The following OTOGL variants were observed in gnomAD, a reference collection of about 807,000 sequenced individuals.
The protein encoded by OTOGL is otogelin-like protein.
OTOGL carries 285 observed loss-of-function variants against 318.5 expected under a neutral mutation model. The ratio of observed to expected loss-of-function variants is 0.89; its 90% CI spans 0.81 to 0.99. OTOGL has a LOEUF of 0.99. Among genes scored for constraint, OTOGL ranks in the 50% least tolerant of loss-of-function variants. The pLI, the probability that OTOGL is intolerant of heterozygous loss-of-function variation, is 0.00. For synonymous variants in OTOGL, 987 were observed against 936.5 expected (o/e 1.05, Z -0.99); for missense variants, 2,899 against 2,845.6 (o/e 1.02, Z -0.43).
At chr12:80,164,610 T>C (rs1320655040) in intron 1 of OTOGL, among the ~76,000 whole-genome samples, 1 of 152,182 alleles carries the variant, frequency 6.6e-6, no homozygotes, top group Non-Finnish European at 1.5e-5. Context: ...GACTGTTTCA[T>C]GGCTTTTGAT....
At chr12:80,186,697 C>T (rs1875317084) in intron 1 of OTOGL, among the ~76,000 whole-genome samples, 1 of 152,066 alleles carries the variant, frequency 6.6e-6, no homozygotes, top group African/African-American at 2.4e-5. Flanking sequence ...TCTCTCCTTT[C>T]CTGTTCCTGC....
At chr12:80,195,755 T>G (rs1448158240) in intron 1 of OTOGL, among the ~76,000 whole-genome samples, 3 of 152,190 alleles carry the variant, frequency 2.0e-5, no homozygotes, top group African/African-American at 7.2e-5. Flanking sequence ...TGCCCATTAT[T>G]AAATTTGGAG....
chr12:80,314,971 G>A (rs188258059), intron 32 of OTOGL, among the ~76,000 whole-genome samples: 65 of 152,264 alleles, frequency 4.3e-4, no homozygotes, highest in Non-Finnish European at 7.2e-4. Context: ...AGTAAGTCAG[G>A]CACAGTGAGA....
chr12:80,329,038 TG>T lies in OTOGL; in HGVS notation c.4280-12del, dbSNP rs763470015. 6.3e-7 allele frequency: 1 copy of T among 1,584,364 alleles called. No homozygotes were observed. Among genetic ancestry groups the T allele is most frequent in the Non-Finnish European group, 8.6e-7 (1 of 1,167,082 alleles). ...AATACAGTTTTATAAAGAGCACCTT[TG>T]TTTCTTTGTAGGTATACCTGTGATT... On this transcript the variant is annotated splice_polypyrimidine_tract_variant and intron_variant, in intron 36 of 58. Coordinates refer to ENST00000547103, the MANE Select transcript of OTOGL (RefSeq NM_001378609.3).
In OTOGL at chr12:80,278,256, G is replaced by A. The variant is rs763529361; in HGVS notation, c.2770G>A (p.Ala924Thr). ...GGAGTATCTCTCAGGAGAAGTGATT[G>A]CTACACCGTGTTACACCTGGTAAGG... is the stretch of plus-strand genomic sequence containing the variant. ...DWEYLSGEVI[A>T]TPCYTCVCRR... Residue 924 changes from alanine (A) to threonine (T), a missense_variant, in exon 25 of 59, where the codon GCT becomes ACT. This residue lies in a region of OTOGL where 2,607 missense variants were observed against 2,524.9 expected (regional missense o/e 1.03). Transcript: ENST00000547103. 1.3e-6 allele frequency: 2 copies of A among 1,542,072 alleles called. No individual in the cohort carries two copies. The highest frequency in any genetic ancestry group is 2.8e-5 in the African/African-American group (2 of 72,646).
At chr12:80,254,771 G>T (rs1881880133) in intron 15 of OTOGL, among the ~76,000 whole-genome samples, 1 of 151,892 alleles carries the variant, frequency 6.6e-6, no homozygotes, top group Non-Finnish European at 1.5e-5. Context: ...TATTAAAATA[G>T]TGTAAATGTT....
Position 80,222,259 on chromosome 12 carries a change from G to T in OTOGL, c.489+14G>T. On this transcript the variant is annotated intron_variant, in intron 7 of 58. Transcript: ENST00000547103. ...TACACTGTATGGGTAGGTGATTGTA[G>T]GACATGATTAACTTAAAAATATTAT... 1 of 1,555,046 alleles carries T rather than the reference G, an allele frequency of 6.4e-7. No individual in the cohort carries two copies. Among genetic ancestry groups the T allele is most frequent in the East Asian group, 2.3e-5 (1 of 44,346 alleles).
At chr12:80,299,970 G>A (rs1007854498) in intron 27 of OTOGL, among the ~76,000 whole-genome samples, 4 of 152,150 alleles carry the variant, frequency 2.6e-5, no homozygotes, top group African/African-American at 9.7e-5. Context: ...CTAAAGACAA[G>A]TAGAAAAGAT....
intron 26 of OTOGL, among the ~76,000 whole-genome samples, chr12:80,287,174 C>T (rs1884696548): frequency 6.6e-6 from 1 of 151,730 alleles, no homozygotes; most frequent in South Asian, 2.1e-4. Flanking sequence ...CATTCAGGAG[C>T]ACGTTGTTCA....
At chr12:80,371,966 G>T in intron 56 of OTOGL, 53 bp from the exon 57 acceptor site, 2 of 1,214,972 alleles carry the variant, frequency 1.6e-6, no homozygotes, top group South Asian at 3.3e-5. Flanking sequence ...TAGTACAAGA[G>T]AACATGGAAG....
intron 47 of OTOGL, 48 bp from the exon 48 acceptor site, chr12:80,356,368 G>T (rs1211031977): frequency 1.4e-6 from 2 of 1,444,526 alleles, no homozygotes; most frequent in East Asian, 2.3e-5. Flanking sequence ...TGAGTTGGCA[G>T]ATTTTAGTTG....
At chr12:80,349,420 G>A (rs1592740976) in intron 44 of OTOGL, among the ~76,000 whole-genome samples, 1 of 152,174 alleles carries the variant, frequency 6.6e-6, no homozygotes, top group African/African-American at 2.4e-5. Flanking sequence ...TAGAAACCAT[G>A]GGAATGGATG....
At chr12:80,230,694 G>A (rs998224690) in intron 8 of OTOGL, among the ~76,000 whole-genome samples, 5 of 152,074 alleles carry the variant, frequency 3.3e-5, no homozygotes, top group Non-Finnish European at 7.4e-5. Flanking sequence ...GCTGTTCCTG[G>A]CTTGGGGCCT....
At chr12:80,289,885 C>G (rs1406943687) in intron 26 of OTOGL, among the ~76,000 whole-genome samples, 3 of 152,136 alleles carry the variant, frequency 2.0e-5, no homozygotes, top group Admixed American at 1.3e-4. Context: ...GGCTTCAACC[C>G]CCTTTCCAGA....
At chr12:80,252,254 T>A in intron 13 of OTOGL, 53 bp downstream of exon 13, 1 of 1,511,932 alleles carries the variant, frequency 6.6e-7, no homozygotes, top group Admixed American at 2.1e-5. Flanking sequence ...TAGTACCCAG[T>A]GATCTAAGGA....
chr12:80,304,057 A>G (rs530611201), intron 28 of OTOGL, among the ~76,000 whole-genome samples: 117 of 152,298 alleles, frequency 7.7e-4, no homozygotes, highest in African/African-American at 2.7e-3. Context: ...TCTTTCTCAG[A>G]TATCATATAA....
chr12:80,267,390 T>G, intron 22 of OTOGL, 63 bp downstream of exon 22: 1 of 767,614 alleles, frequency 1.3e-6, no homozygotes, highest in East Asian at 4.9e-5. Context: ...AATTCTTTCT[T>G]TTATATATAT....
At chr12:80,322,053 T>C (rs1331208357) in intron 34 of OTOGL, among the ~76,000 whole-genome samples, 1 of 152,176 alleles carries the variant, frequency 6.6e-6, no homozygotes, top group Non-Finnish European at 1.5e-5. Context: ...CTGTTGGGAA[T>C]GGCAACAGAG....
At position 80,118,006 on chromosome 12, in the gene OTOGL, G is replaced by A. The variant is rs145755393; in HGVS notation, c.-20+18401G>A. ...CAGGAAGCCTGGACTGTCCCATCAC[G>A]CCTGTTGTCTCATCACTGCCAGTGA... On this transcript the variant is annotated intron_variant, in intron 1 of 58. Transcript: ENST00000547103. Among the ~76,000 whole-genome samples, 628 of 152,102 alleles carry A rather than the reference G, an allele frequency of 4.1e-3. 5 individuals carry two copies. The highest frequency in any genetic ancestry group is 0.027 in the Middle Eastern group (8 of 294).
Sources: allele counts gnomAD v4.1 joint callset (sites outside exome capture counted in the v4.1 genomes callset), GRCh38; gene constraint gnomAD v4.1.1; regional missense constraint gnomAD v4.1.1; transcripts MANE v1.5; gene names NCBI Gene and HGNC (gene_info 2026-07-23, HGNC 2026-07-21).